FGF13: variants seen among roughly 807,000 people sequenced by gnomAD.
FGF13 encodes the protein fibroblast growth factor homologous factor 2.
FGF13 carries 2 observed loss-of-function variants against 19.5 expected under a neutral mutation model. The ratio of observed to expected loss-of-function variants is 0.10; its 90% CI spans 0.04 to 0.32. FGF13 has a LOEUF of 0.32. FGF13 is among the 10% of genes least tolerant of loss of function. The pLI is 1.00. For missense variants in FGF13, 113 were observed against 192.7 expected, an observed-to-expected ratio of 0.59 and a Z score of 2.45; for synonymous variants, 72 against 76.9, an observed-to-expected ratio of 0.94 and a Z score of 0.33.
At chrX:139,122,787 T>C (rs905308006) in intron 1 of FGF13, among the ~76,000 whole-genome samples, 1 of 111,493 alleles carries the variant, frequency 9.0e-6, no homozygotes, top group Non-Finnish European at 1.9e-5. Flanking sequence ...TCTTGACTCC[T>C]CCTTACTCCC....
In FGF13 at chrX:139,018,270, C is replaced by T. The variant is rs776001741; in HGVS notation, c.-112-153620G>A. ...ATTGGAGGATATTTCTCAGTGAGGA[C>T]GATTAAAGCAGATTCCTTAAAACAT... On this transcript the variant is annotated intron_variant, in intron 1 of 2. Coordinates refer to the FGF13 transcript ENST00000421460. 5.5e-4 allele frequency among the ~76,000 whole-genome samples: 61 copies of T among 111,381 alleles called. 1 individual carries two copies. Among genetic ancestry groups the T allele is most frequent in the Admixed American group, 1.4e-3 (15 of 10,450 alleles).
intron 1 of FGF13, among the ~76,000 whole-genome samples, chrX:139,168,361 T>C (rs2084102562): frequency 8.9e-6 from 1 of 111,842 alleles, no homozygotes; most frequent in African/African-American, 3.2e-5. Context: ...TTTTTAAATA[T>C]ATCATTTTTT....
At chrX:138,902,180 T>C (rs1202602645) in intron 1 of FGF13, among the ~76,000 whole-genome samples, 1 of 112,437 alleles carries the variant, frequency 8.9e-6, no homozygotes, top group Non-Finnish European at 1.9e-5. Context: ...TGCAGAAATC[T>C]ATTTTCCGGT....
chrX:138,936,560 G>A (rs1412012450), intron 1 of FGF13, among the ~76,000 whole-genome samples: 1 of 112,123 alleles, frequency 8.9e-6, no homozygotes, highest in Non-Finnish European at 1.9e-5. Context: ...GCATCAGACT[G>A]GGAGCTGAGT....
intron 1 of FGF13, among the ~76,000 whole-genome samples, chrX:139,173,294 C>T: frequency 9.0e-6 from 1 of 111,219 alleles, no homozygotes; most frequent in Non-Finnish European, 1.9e-5. Context: ...CTCCCTGGCT[C>T]TAAACTGTCT....
intron 1 of FGF13, among the ~76,000 whole-genome samples, chrX:138,957,324 G>A (rs2091845679): frequency 8.9e-6 from 1 of 111,888 alleles, no homozygotes; most frequent in Admixed American, 9.5e-5. Context: ...TGCATTTTGT[G>A]AAAAGATGGA....
chrX:139,064,277 T>TACAACACTGTGGGTAACCCGACC (rs1401977250), intron 1 of FGF13, among the ~76,000 whole-genome samples: 5 of 69,048 alleles, frequency 7.2e-5, no homozygotes, highest in Non-Finnish European at 1.2e-4. Context: ...AGTTCTTTTT[T>TACAACACTGTGGGTAACCCGACC]TTTCTTTTTT....
chrX:138,675,292 A>G (rs995881065), intron 3 of FGF13, among the ~76,000 whole-genome samples: 7 of 112,355 alleles, frequency 6.2e-5, no homozygotes, highest in African/African-American at 2.3e-4. Flanking sequence ...AAAAAGCTCC[A>G]AACAGAAATA....
rs78885934 is a variant in FGF13, at chrX:138,727,156, AT to A, written c.28+12085del. On this transcript the variant is annotated intron_variant, in intron 1 of 4. Coordinates refer to the FGF13 transcript ENST00000305414. ...CACATAATGAAAAGGAATAAGATTC[AT>A]TTTTTTTTTTTTAACTCAGAGGCTT... is the stretch of plus-strand genomic sequence containing the variant. 2.6e-3 allele frequency among the ~76,000 whole-genome samples: 275 copies of A among 103,816 alleles called. 1 individual carries two copies. Among genetic ancestry groups the A allele is most frequent in the Middle Eastern group, 5.1e-3 (1 of 198 alleles). 90.2% of individuals were successfully genotyped at this position (103,816 alleles called of 115,157 possible). A position where few individuals can be genotyped will look rare whatever the true frequency, so the allele number is the denominator to read the frequency against.
chrX:138,986,765 C>A (rs2091996108), intron 1 of FGF13, among the ~76,000 whole-genome samples: 2 of 111,418 alleles, frequency 1.8e-5, no homozygotes, highest in Non-Finnish European at 3.8e-5. Context: ...TATAAAGCAA[C>A]CTGATTTTCC....
intron 1 of FGF13, among the ~76,000 whole-genome samples, chrX:139,036,469 A>G (rs1369427366): frequency 9.0e-6 from 1 of 111,437 alleles, no homozygotes; most frequent in Non-Finnish European, 1.9e-5. Flanking sequence ...GTAAATTGAA[A>G]TGTGGCCTAC....
At chrX:139,047,995 T>A (rs904421813) in intron 1 of FGF13, among the ~76,000 whole-genome samples, 2 of 110,734 alleles carry the variant, frequency 1.8e-5, no homozygotes, top group Non-Finnish European at 3.8e-5. Context: ...TTTCTTCCAA[T>A]AGATTAATTT....
At chrX:139,014,020 G>GA (rs1450797102) in intron 1 of FGF13, among the ~76,000 whole-genome samples, 1 of 111,046 alleles carries the variant, frequency 9.0e-6, no homozygotes, top group African/African-American at 3.3e-5. Flanking sequence ...GTAGGTTAAT[G>GA]AAAAAATTAA....
intron 1 of FGF13, among the ~76,000 whole-genome samples, chrX:139,159,047 C>T (rs946962218): frequency 3.6e-5 from 4 of 111,150 alleles, no homozygotes; most frequent in South Asian, 3.8e-4. Context: ...AAGGTTGAAA[C>T]GAAGGAAAAA....
rs142492793 is a variant in FGF13, at chrX:138,862,362, T to C, written c.-39+2215A>G. ...ATACATGATTTTAAATCAAAGCAAA[T>C]CTGAGATCACCAAGGCCACAGCAAT... On this transcript the variant is annotated intron_variant, in intron 2 of 2. Coordinates refer to the FGF13 transcript ENST00000421460. Among the ~76,000 whole-genome samples the C allele has an allele frequency of 8.9e-4, 100 of 112,056 alleles. 1 individual carries two copies. In the East Asian group the frequency reaches 0.026, roughly 29 times the overall value.
chrX:138,952,978 T>C (rs2091821661), intron 1 of FGF13, among the ~76,000 whole-genome samples: 1 of 111,471 alleles, frequency 9.0e-6, no homozygotes, highest in Admixed American at 9.5e-5. Context: ...ACACTATTGG[T>C]GGGACTGTCA....
intron 3 of FGF13, among the ~76,000 whole-genome samples, chrX:138,813,742 T>G (rs2090942817): frequency 8.9e-6 from 1 of 112,089 alleles, no homozygotes; most frequent in Admixed American, 9.5e-5. Context: ...TCTCCACTTG[T>G]TGAGTTTAGG....
intron 1 of FGF13, among the ~76,000 whole-genome samples, chrX:139,035,810 C>T (rs1321869697): frequency 9.0e-6 from 1 of 111,229 alleles, no homozygotes; most frequent in African/African-American, 3.3e-5. Context: ...TTCAGAAAGA[C>T]CATTTCTAGA....
intron 3 of FGF13, among the ~76,000 whole-genome samples, chrX:138,852,441 A>G (rs990040691): frequency 8.9e-5 from 10 of 112,032 alleles, no homozygotes; most frequent in Non-Finnish European, 1.9e-4. Flanking sequence ...CTTGACAAAA[A>G]CAAGGAGTTG....
Sources: allele counts gnomAD v4.1 joint callset (sites outside exome capture counted in the v4.1 genomes callset), GRCh38; gene constraint gnomAD v4.1.1; transcripts MANE v1.5; gene names NCBI Gene and HGNC (gene_info 2026-07-23, HGNC 2026-07-21).